Variants in PDE1A observed in about 807,000 individuals in gnomAD.
The protein encoded by PDE1A is phosphodiesterase 1A, also known as dual specificity calcium/calmodulin-dependent 3',5'-cyclic nucleotide phosphodiesterase 1A.
PDE1A carries 35 observed loss-of-function variants against 61.7 expected under a neutral mutation model. That is an observed-to-expected ratio of 0.57 (90% CI 0.43 to 0.75). The LOEUF (loss-of-function observed/expected upper bound fraction) is 0.75, where lower values mean the gene tolerates loss of function less well. PDE1A is among the 30% of genes least tolerant of loss of function. The pLI, the probability that PDE1A is intolerant of heterozygous loss-of-function variation, is 0.00. For synonymous variants in PDE1A, 232 were observed against 213.2 expected (o/e 1.09, Z -0.77); for missense variants, 597 against 630.6 (o/e 0.95, Z 0.57).
chr2:182,321,877 C>T (rs756880199), intron 1 of PDE1A, among the ~76,000 whole-genome samples: 11 of 152,068 alleles, frequency 7.2e-5, no homozygotes, highest in Admixed American at 1.3e-4. Flanking sequence ...AGTTTCATGG[C>T]TAGGAAGCAA....
chr2:182,192,298 C>A (rs34164863), intron 10 of PDE1A, among the ~76,000 whole-genome samples: 5,165 of 152,172 alleles, frequency 0.034, 146 homozygotes, highest in Non-Finnish European at 0.053. Context: ...CTGTACCTCA[C>A]AATTAATTTA....
the PDE1A span, among the ~76,000 whole-genome samples, chr2:182,662,599 T>A: frequency 6.6e-6 from 1 of 152,188 alleles, no homozygotes; most frequent in Non-Finnish European, 1.5e-5. Flanking sequence ...AAGGACTCCC[T>A]ATTCGATAAT....
At chr2:182,211,501 G>C (rs2125533125) in intron 7 of PDE1A, among the ~76,000 whole-genome samples, 1 of 152,262 alleles carries the variant, frequency 6.6e-6, no homozygotes, top group Non-Finnish European at 1.5e-5. Context: ...GCTATTATGA[G>C]TCTTTTGCCT....
At chr2:182,431,510 A>G (rs190573307), upstream of PDE1A, among the ~76,000 whole-genome samples, 6 of 152,220 alleles carry the variant, frequency 3.9e-5, no homozygotes, top group South Asian at 1.2e-3. Flanking sequence ...TTACCGCTTT[A>G]CCTCTAGAGG....
At chr2:182,564,673 G>A in the PDE1A span, among the ~76,000 whole-genome samples, 202 of 152,160 alleles carry the variant, frequency 1.3e-3, 2 homozygotes, top group Non-Finnish European at 2.1e-3. Flanking sequence ...CATTCTCCCC[G>A]TCACTTTCAG....
chr2:182,299,201 G>T (rs951213820), intron 1 of PDE1A, among the ~76,000 whole-genome samples: 5 of 151,778 alleles, frequency 3.3e-5, no homozygotes, highest in Admixed American at 2.6e-4. Context: ...CTGTTATAGG[G>T]TATATAGATG....
the PDE1A span, among the ~76,000 whole-genome samples, chr2:182,557,341 T>C: frequency 6.6e-6 from 1 of 152,218 alleles, no homozygotes; most frequent in South Asian, 2.1e-4. Flanking sequence ...TTTTATATTA[T>C]TGTCTGAACA....
chr2:182,220,174 A>C (rs559082939), intron 7 of PDE1A, among the ~76,000 whole-genome samples: 1 of 152,082 alleles, frequency 6.6e-6, no homozygotes, highest in Admixed American at 6.6e-5. Flanking sequence ...AAGGCCTAAA[A>C]AGGATTTAAT....
At chr2:182,635,124 G>GA in the PDE1A span, among the ~76,000 whole-genome samples, 53 of 145,686 alleles carry the variant, frequency 3.6e-4, no homozygotes, top group South Asian at 1.1e-3. Context: ...ATTGTAAATG[G>GA]AAAAAAAAAA....
the PDE1A span, among the ~76,000 whole-genome samples, chr2:182,565,643 G>T: frequency 6.6e-6 from 1 of 151,966 alleles, no homozygotes; most frequent in South Asian, 2.1e-4. Context: ...CACTGGTGAT[G>T]AGAAACACAA....
At chr2:182,526,165 T>C (rs1054974597), upstream of PDE1A, among the ~76,000 whole-genome samples, 3 of 152,156 alleles carry the variant, frequency 2.0e-5, no homozygotes, top group Non-Finnish European at 2.9e-5. Context: ...AAGAAAATAA[T>C]TTAGAAAATA....
At chr2:182,190,701 T>C (rs574412970) in intron 10 of PDE1A, among the ~76,000 whole-genome samples, 74 of 152,260 alleles carry the variant, frequency 4.9e-4, no homozygotes, top group African/African-American at 1.7e-3. Context: ...CTCACACATG[T>C]AATCCCAGCA....
the PDE1A span, among the ~76,000 whole-genome samples, chr2:182,706,207 C>T: frequency 6.6e-6 from 1 of 152,178 alleles, no homozygotes; most frequent in Non-Finnish European, 1.5e-5. Context: ...AGCGGCTACT[C>T]CCTTCTCTGA....
chr2:182,654,269 C>T, the PDE1A span, among the ~76,000 whole-genome samples: 2 of 152,194 alleles, frequency 1.3e-5, no homozygotes, highest in African/African-American at 2.4e-5. Flanking sequence ...AGTCCACCAC[C>T]GTCTACCAAA....
chr2:182,386,095 C>T (rs916378328), intron 1 of PDE1A, among the ~76,000 whole-genome samples: 1 of 152,224 alleles, frequency 6.6e-6, no homozygotes, highest in Non-Finnish European at 1.5e-5. Context: ...GATCCGCCAG[C>T]CTCGGCCTCC....
intron 1 of PDE1A, among the ~76,000 whole-genome samples, chr2:182,283,445 A>T (rs921955690): frequency 2.0e-5 from 3 of 151,842 alleles, no homozygotes; most frequent in Non-Finnish European, 4.4e-5. Context: ...ACACTTTAAG[A>T]CTTGGTGGCA....
the PDE1A span, among the ~76,000 whole-genome samples, chr2:182,547,934 CA>C: frequency 8.7e-3 from 1,322 of 152,206 alleles, 8 homozygotes; most frequent in Non-Finnish European, 0.016. Flanking sequence ...TTTATTGCAA[CA>C]ATATCGAGAA....
chr2:182,554,544 A>G, the PDE1A span, among the ~76,000 whole-genome samples: 1 of 152,144 alleles, frequency 6.6e-6, no homozygotes, highest in Non-Finnish European at 1.5e-5. Flanking sequence ...GAAACTAAGC[A>G]GACCTAGATT....
At chr2:182,273,925 G>A (rs150947865) in intron 1 of PDE1A, among the ~76,000 whole-genome samples, 622 of 152,172 alleles carry the variant, frequency 4.1e-3, no homozygotes, top group Non-Finnish European at 6.5e-3. Context: ...CCATGTACTG[G>A]GTGGCTTATA....
Sources: allele counts gnomAD v4.1 joint callset (sites outside exome capture counted in the v4.1 genomes callset), GRCh38; gene constraint gnomAD v4.1.1; transcripts MANE v1.5; gene names NCBI Gene and HGNC (gene_info 2026-07-23, HGNC 2026-07-21).